PRICKLE1: variants seen among roughly 807,000 people sequenced by gnomAD.
PRICKLE1 encodes the protein prickle-like protein 1.
Under a neutral mutation model 70.2 loss-of-function variants are expected in PRICKLE1, and 14 were observed. That is an observed-to-expected ratio of 0.20 (90% CI 0.13 to 0.31). The LOEUF (loss-of-function observed/expected upper bound fraction) is 0.31. Among genes scored for constraint, PRICKLE1 ranks in the 10% least tolerant of loss-of-function variants. PRICKLE1 has a pLI of 1.00. For synonymous variants in PRICKLE1, 357 were observed against 379.9 expected (o/e 0.94, Z 0.70); for missense variants, 821 against 1,026.2 (o/e 0.80, Z 2.73).
chr12:42,568,757 C>T (rs892068318), intron 1 of PRICKLE1, among the ~76,000 whole-genome samples: 2 of 152,070 alleles, frequency 1.3e-5, no homozygotes, highest in African/African-American at 2.4e-5. Context: ...TGCATGATGG[C>T]GAAGTCTAGT....
intron 1 of PRICKLE1, among the ~76,000 whole-genome samples, chr12:42,583,575 G>C (rs1315558303): frequency 6.6e-6 from 1 of 152,202 alleles, no homozygotes; most frequent in Non-Finnish European, 1.5e-5. Context: ...GATTTAGGCA[G>C]TCACCTAACC....
At chr12:42,497,443 G>A (rs1334966548) in intron 1 of PRICKLE1, among the ~76,000 whole-genome samples, 1 of 151,846 alleles carries the variant, frequency 6.6e-6, no homozygotes, top group African/African-American at 2.4e-5. Context: ...CAGCTACTCG[G>A]GAGGCTGAGG....
At chr12:42,542,307 A>G (rs1006504236) in intron 1 of PRICKLE1, among the ~76,000 whole-genome samples, 2 of 151,848 alleles carry the variant, frequency 1.3e-5, no homozygotes, top group East Asian at 3.9e-4. Flanking sequence ...TTTTTTTCAT[A>G]ATGTTATTAC....
At chr12:42,498,118 G>A (rs2140178486) in intron 1 of PRICKLE1, among the ~76,000 whole-genome samples, 1 of 18,040 alleles carries the variant, frequency 5.5e-5, no homozygotes, top group Middle Eastern at 0.045. Context: ...CAAAGTGTTG[G>A]GATTATAGTG....
intron 1 of PRICKLE1, among the ~76,000 whole-genome samples, chr12:42,578,387 T>C (rs1371482467): frequency 6.6e-6 from 1 of 152,188 alleles, no homozygotes; most frequent in Non-Finnish European, 1.5e-5. Context: ...CCTCTATTTT[T>C]TTTTTAAGGT....
At position 42,459,283 on chromosome 12, in the gene PRICKLE1, G is replaced by A. The variant is rs1295669491; in HGVS notation, c.*526C>T. 7.1e-6 allele frequency: 5 copies of A among 700,958 alleles called. No homozygotes were observed. The highest frequency in any genetic ancestry group is 1.5e-5 in the South Asian group (1 of 67,494). 43.4% of individuals were successfully genotyped at this position (700,958 alleles called of 1,614,324 possible). On this transcript the variant is annotated 3_prime_UTR_variant, in exon 8 of 8. Transcript: ENST00000345127. Reference sequence around the variant, plus strand: ...TTTTTTTTTTCAATCTGTAGCTGGCGCTGATACAATACAATGTTTACCTGG... The same window carrying A: ...TTTTTTTTTTCAATCTGTAGCTGGCACTGATACAATACAATGTTTACCTGG...
intron 1 of PRICKLE1, among the ~76,000 whole-genome samples, chr12:42,562,822 G>C (rs1404318976): frequency 6.6e-6 from 1 of 152,126 alleles, no homozygotes; most frequent in African/African-American, 2.4e-5. Context: ...GTTTATTACT[G>C]CCCAGAAACA....
intron 1 of PRICKLE1, among the ~76,000 whole-genome samples, chr12:42,547,333 T>C (rs993381375): frequency 6.6e-6 from 1 of 152,262 alleles, no homozygotes. Context: ...TCTAAAACTT[T>C]TGAATTTCAG....
chr12:42,555,410 A>G (rs1940397828), intron 1 of PRICKLE1, among the ~76,000 whole-genome samples: 1 of 152,212 alleles, frequency 6.6e-6, no homozygotes, highest in South Asian at 2.1e-4. Flanking sequence ...TTGTGGTTAT[A>G]GATGCGAAAA....
In PRICKLE1 at chr12:42,589,018, C is replaced by T. The variant is rs1305579959; in HGVS notation, c.-49+447G>A. On this transcript the variant is annotated intron_variant, in intron 1 of 7. Coordinates refer to ENST00000345127, the MANE Select transcript of PRICKLE1 (RefSeq NM_153026.3). The surrounding 1 kb of genome is among the most constrained non-coding windows in gnomAD (Gnocchi z 5.0). ...TTCGCCTCTGCCAAAAAGCCACCAG[C>T]CCCTTTCCCCAGCGCTAGAGGAGAG... 2 of 152,320 alleles carry T rather than the reference C, an allele frequency of 1.3e-5. No individual in the cohort carries two copies. The highest frequency in any genetic ancestry group is 2.4e-5 in the African/African-American group (1 of 41,428). The allele number at this position is 152,320 out of a possible 1,614,324, so 9.4% of individuals were successfully genotyped here.
rs1167349830 is a variant in PRICKLE1 at position 42,459,351 on chromosome 12, GCA to G, written c.*456_*457del. On this transcript the variant is annotated 3_prime_UTR_variant, in exon 8 of 8. Coordinates refer to ENST00000345127, the MANE Select transcript of PRICKLE1 (RefSeq NM_153026.3). ...GGACAAGCTGGCCTCACAATAAGAT[GCA>G]CAGTGTTAGCTAGGTCATCGTGACA... 2.8e-6 allele frequency: 2 copies of G among 702,052 alleles called. No homozygotes were observed. Among genetic ancestry groups the G allele is most frequent in the Admixed American group, 2.0e-5 (1 of 49,938 alleles). The allele number at this position is 702,052 out of a possible 1,614,324, so 43.5% of individuals were successfully genotyped here.
chr12:42,477,376 A>G (rs928981021), intron 1 of PRICKLE1, among the ~76,000 whole-genome samples: 11 of 121,684 alleles, frequency 9.0e-5, no homozygotes, highest in Non-Finnish European at 1.5e-4. Context: ...CTGTCTCAAA[A>G]CAAAACAAAA....
At chr12:42,542,161 G>A (rs1367396035) in intron 1 of PRICKLE1, among the ~76,000 whole-genome samples, 1 of 152,120 alleles carries the variant, frequency 6.6e-6, no homozygotes, top group Non-Finnish European at 1.5e-5. Flanking sequence ...GGTGTGAGAA[G>A]ACAGCTAAGG....
At chr12:42,564,085 C>T (rs547268047) in intron 1 of PRICKLE1, among the ~76,000 whole-genome samples, 7 of 151,226 alleles carry the variant, frequency 4.6e-5, no homozygotes, top group East Asian at 3.9e-4. Context: ...GGTGAAACCC[C>T]GTCTCTACTA....
At chr12:42,515,671 G>C (rs1353288288) in intron 1 of PRICKLE1, among the ~76,000 whole-genome samples, 5 of 152,198 alleles carry the variant, frequency 3.3e-5, no homozygotes, top group Non-Finnish European at 7.3e-5. Flanking sequence ...GTGGACTCCT[G>C]AATTCTAAGC....
intron 1 of PRICKLE1, among the ~76,000 whole-genome samples, chr12:42,579,135 T>C (rs772121785): frequency 6.6e-6 from 1 of 152,176 alleles, no homozygotes; most frequent in Non-Finnish European, 1.5e-5. Context: ...AGGGAACAGG[T>C]AGCTATCACA....
In PRICKLE1 at chr12:42,464,276, C is replaced by T; in HGVS notation, c.1639+119G>A. ...CCTCAAATGATCTGCCCACCTCAGC[C>T]TCCCATAGTGCTGGAATTATAGGCA... On this transcript the variant is annotated intron_variant, in intron 7 of 7. Coordinates refer to ENST00000345127, the MANE Select transcript of PRICKLE1 (RefSeq NM_153026.3). The surrounding 1 kb of genome is among the most constrained non-coding windows in gnomAD (Gnocchi z 4.2). 7.9e-7 allele frequency: 1 copy of T among 1,263,502 alleles called. No homozygotes were observed. Among genetic ancestry groups the T allele is most frequent in the Admixed American group, 1.7e-5 (1 of 59,538 alleles). 78.3% of individuals were successfully genotyped at this position (1,263,502 alleles called of 1,614,324 possible).
chr12:42,561,914 T>C (rs956197619), intron 1 of PRICKLE1, among the ~76,000 whole-genome samples: 33 of 141,708 alleles, frequency 2.3e-4, no homozygotes, highest in African/African-American at 3.2e-4. Flanking sequence ...TCTTTTTTTT[T>C]TTTTTTTTTT....
rs762668703 is a variant in PRICKLE1, at chr12:42,460,438, T to C, written c.1867A>G (p.Lys623Glu). ...ACCTGCTGGGGTCTGGATTGAGACT[T>C]GGACCTTCTGAGCACTGGCAGATGT... ...PVHLPVLRRSKSQSRPQQVKF... is the reference protein window; with the variant it reads ...PVHLPVLRRSESQSRPQQVKF... Residue 623 changes from lysine (K) to glutamate (E), a missense_variant, in exon 8 of 8, where the codon AAG (lysine) becomes GAG (glutamate). Lys to Glu is a moderately conservative substitution (Grantham distance 56). Transcript: ENST00000345127. 2 of 1,614,152 alleles carry C rather than the reference T, an allele frequency of 1.2e-6. No homozygotes were observed. The highest frequency in any genetic ancestry group is 1.7e-6 in the Non-Finnish European group (2 of 1,180,000).
Sources: gnomAD v4.1 joint callset for allele counts (sites outside exome capture counted in the v4.1 genomes callset) on GRCh38, gnomAD v4.1.1 for gene constraint, Gnocchi (gnomAD v3.1) non-coding constraint, MANE v1.5 for transcripts, NCBI Gene and HGNC (gene_info 2026-07-23, HGNC 2026-07-21) for gene names.